SCEL: variants seen among roughly 807,000 people sequenced by gnomAD.
SCEL encodes sciellin.
In SCEL, 113 loss-of-function variants were observed where a neutral mutation model predicts 117.6. The observed-to-expected ratio is 0.96, with a 90% CI of 0.83 to 1.12. The LOEUF is 1.12. Among genes scored for constraint, SCEL ranks in the 50% most tolerant of loss-of-function variants. The pLI is 0.00. For synonymous variants in SCEL, 270 were observed against 256.2 expected, an observed-to-expected ratio of 1.05 and a Z score of -0.51; for missense variants, 785 against 810.8, an observed-to-expected ratio of 0.97 and a Z score of 0.39.
At chr13:77,562,571 T>G (rs1029176581) in intron 4 of SCEL, among the ~76,000 whole-genome samples, 5 of 152,222 alleles carry the variant, frequency 3.3e-5, no homozygotes, top group African/African-American at 9.6e-5. Flanking sequence ...CTTTCTCAGC[T>G]TAGAACTTCC....
intron 22 of SCEL, among the ~76,000 whole-genome samples, chr13:77,612,473 T>C (rs1424840224): frequency 6.8e-6 from 1 of 147,536 alleles, no homozygotes; most frequent in Non-Finnish European, 1.5e-5. Flanking sequence ...TTTTTTTTTT[T>C]TTTTTTTTTT....
chr13:77,554,557 T>TG (rs1331149625), intron 1 of SCEL, among the ~76,000 whole-genome samples: 3 of 152,170 alleles, frequency 2.0e-5, no homozygotes, highest in South Asian at 2.1e-4. Flanking sequence ...GGATAGGAGG[T>TG]GGGGGCTTTT....
In SCEL at chr13:77,554,509, C is replaced by T. The variant is rs2084535318; in HGVS notation, c.-19-1348C>T. 1.3e-5 allele frequency among the ~76,000 whole-genome samples: 2 copies of T among 152,148 alleles called. 1 individual carries two copies. The highest frequency in any genetic ancestry group is 6.3e-3 in the Middle Eastern group (2 of 316). ...CAGTGTGTCTTTCCTACTTCAGGTC[C>T]TATGGCAAGTTGTTGCAGGAAATAC... On this transcript the variant is annotated intron_variant, in intron 1 of 32. Transcript: ENST00000349847.
chr13:77,614,257 G>T (rs563640905), intron 24 of SCEL, among the ~76,000 whole-genome samples: 3 of 152,172 alleles, frequency 2.0e-5, no homozygotes, highest in African/African-American at 7.2e-5. Flanking sequence ...GTGTGGTATT[G>T]AAATTAATAC....
chr13:77,642,815 G>C lies in SCEL; in HGVS notation c.2050+7G>C. On this transcript the variant is annotated splice_region_variant and intron_variant, in intron 32 of 32. Coordinates refer to ENST00000349847, the MANE Select transcript of SCEL (RefSeq NM_144777.3). ...TGCTACTCTAAAATTATGGGTAAGT[G>C]TTACACTCTAAGCATTTAACACTTT... is the stretch of plus-strand genomic sequence containing the variant. 6.7e-7 allele frequency: 1 copy of C among 1,493,186 alleles called. No homozygotes were observed. Among genetic ancestry groups the C allele is most frequent in the South Asian group, 1.2e-5 (1 of 83,222 alleles). The allele number at this position is 1,493,186 out of a possible 1,614,324, so 92.5% of individuals were successfully genotyped here.
intron 27 of SCEL, among the ~76,000 whole-genome samples, chr13:77,626,298 G>T (rs180740488): frequency 1.9e-3 from 287 of 152,254 alleles, no homozygotes; most frequent in African/African-American, 6.0e-3. Flanking sequence ...ATCTACACCT[G>T]GCTCCACCCT....
chr13:77,550,410 A>G (rs1185108599), intron 1 of SCEL, among the ~76,000 whole-genome samples: 1 of 144,492 alleles, frequency 6.9e-6, no homozygotes, highest in East Asian at 2.0e-4. Context: ...ATATATATAT[A>G]TATTATATAT....
intron 10 of SCEL, among the ~76,000 whole-genome samples, chr13:77,589,690 G>T (rs1324163058): frequency 1.3e-5 from 2 of 152,096 alleles, no homozygotes; most frequent in Admixed American, 1.3e-4. Flanking sequence ...TCAAATCCTT[G>T]CTTATGTTAC....
rs751062727 is a variant in SCEL at position 77,603,057 on chromosome 13, T to C, written c.1038-19T>C. The stretch of plus-strand genomic sequence containing the variant: ...TTATGGGAATGTTTTGAAACTGATA[T>C]AAACTTTTTTTTTTAAAGAAGTGAA... On this transcript the variant is annotated intron_variant, in intron 17 of 32. Coordinates refer to ENST00000349847, the MANE Select transcript of SCEL (RefSeq NM_144777.3). The C allele has an allele frequency of 1.4e-6, 2 of 1,452,270 alleles. No individual in the cohort carries two copies. Among genetic ancestry groups the C allele is most frequent in the Non-Finnish European group, 9.4e-7 (1 of 1,067,718 alleles). The allele number at this position is 1,452,270 out of a possible 1,614,324, so 90.0% of individuals were successfully genotyped here.
intron 9 of SCEL, among the ~76,000 whole-genome samples, chr13:77,572,447 C>G (rs1419985268): frequency 6.6e-6 from 1 of 152,108 alleles, no homozygotes; most frequent in African/African-American, 2.4e-5. Context: ...TAAATGAGTG[C>G]CACAAACTGG....
intron 1 of SCEL, among the ~76,000 whole-genome samples, chr13:77,548,977 GT>G (rs775831063): frequency 1.3e-5 from 2 of 152,098 alleles, no homozygotes; most frequent in Non-Finnish European, 2.9e-5. Flanking sequence ...GGACACTTAG[GT>G]TGATTCAATA....
intron 9 of SCEL, among the ~76,000 whole-genome samples, chr13:77,580,803 G>A: frequency 6.6e-6 from 1 of 152,094 alleles, no homozygotes; most frequent in East Asian, 1.9e-4. Flanking sequence ...TAAAGTAGTA[G>A]AAACGCATCT....
intron 27 of SCEL, 25 bp from the exon 28 acceptor site, chr13:77,627,922 C>CAT (rs747721480): frequency 1.1e-4 from 104 of 961,482 alleles, no homozygotes; most frequent in South Asian, 1.9e-4. Context: ...TGTAATTATT[C>CAT]ATATATATAT....
intron 9 of SCEL, among the ~76,000 whole-genome samples, chr13:77,579,282 C>A (rs188433319): frequency 1.8e-4 from 27 of 152,314 alleles, no homozygotes; most frequent in Non-Finnish European, 1.8e-4. Flanking sequence ...TTGCAGTGTA[C>A]TCATCAACTA....
intron 27 of SCEL, among the ~76,000 whole-genome samples, chr13:77,619,135 A>G (rs1290040029): frequency 1.3e-5 from 2 of 152,182 alleles, no homozygotes; most frequent in African/African-American, 4.8e-5. Context: ...GACAAAAAGA[A>G]ATTAACATAT....
intron 24 of SCEL, among the ~76,000 whole-genome samples, chr13:77,616,002 C>CTGTGTGTGTGTGTG: frequency 7.0e-6 from 1 of 141,918 alleles, no homozygotes; most frequent in East Asian, 2.0e-4. Flanking sequence ...ATTTATGTCT[C>CTGTGTGTGTGTGTG]TCTGTGTGTG....
intron 1 of SCEL, among the ~76,000 whole-genome samples, chr13:77,553,686 AC>A (rs960355000): frequency 4.6e-5 from 7 of 151,526 alleles, no homozygotes; most frequent in Non-Finnish European, 1.5e-5. Flanking sequence ...CCCACATCCA[AC>A]CATACGTCTC....
chr13:77,628,906 A>G (rs142525277), intron 28 of SCEL, among the ~76,000 whole-genome samples: 3 of 152,242 alleles, frequency 2.0e-5, no homozygotes, highest in African/African-American at 4.8e-5. Flanking sequence ...CTTTGAGAGA[A>G]TGAGGGAGGA....
intron 3 of SCEL, among the ~76,000 whole-genome samples, chr13:77,557,645 C>G (rs1196452478): frequency 6.6e-6 from 1 of 152,086 alleles, no homozygotes; most frequent in Admixed American, 6.6e-5. Context: ...GTTTCTCAAC[C>G]AGGGGCAATT....
Sources: gnomAD v4.1 joint callset for allele counts (sites outside exome capture counted in the v4.1 genomes callset) on GRCh38, gnomAD v4.1.1 for gene constraint, MANE v1.5 for transcripts, NCBI Gene and HGNC (gene_info 2026-07-23, HGNC 2026-07-21) for gene names.